SETBP1: variants seen among roughly 807,000 people sequenced by gnomAD.
SETBP1 encodes the protein SET-binding protein.
A neutral mutation model predicts 101.0 loss-of-function variants in SETBP1; 9 were observed. That is an observed-to-expected ratio of 0.09 (90% CI 0.05 to 0.16). The LOEUF is 0.16. Among genes scored for constraint, SETBP1 ranks in the 10% least tolerant of loss-of-function variants. The pLI, the probability that SETBP1 is intolerant of heterozygous loss-of-function variation, is 1.00. For synonymous variants in SETBP1, 818 were observed against 788.5 expected, an observed-to-expected ratio of 1.04 and a Z score of -0.63; for missense variants, 1,858 against 2,033.8, an observed-to-expected ratio of 0.91 and a Z score of 1.66.
intron 2 of SETBP1, among the ~76,000 whole-genome samples, chr18:44,791,116 G>T (rs1033529047): frequency 6.6e-6 from 1 of 152,036 alleles, no homozygotes; most frequent in Non-Finnish European, 1.5e-5. Flanking sequence ...TAAGAGGTGC[G>T]CTGAAGGCAG....
chr18:44,799,600 A>G (rs1397540560), intron 2 of SETBP1, among the ~76,000 whole-genome samples: 2 of 152,092 alleles, frequency 1.3e-5, no homozygotes, highest in Admixed American at 6.6e-5. Context: ...AATATCGCAG[A>G]TGAACCATGA....
chr18:44,898,846 G>A (rs1345068104), intron 3 of SETBP1, among the ~76,000 whole-genome samples: 2 of 152,168 alleles, frequency 1.3e-5, no homozygotes, highest in South Asian at 2.1e-4. Context: ...TATTTGAGAG[G>A]ATTAAATGCT....
chr18:45,061,208 A>G (rs1851016502), intron 5 of SETBP1, among the ~76,000 whole-genome samples: 2 of 152,198 alleles, frequency 1.3e-5, no homozygotes, highest in Non-Finnish European at 2.9e-5. Context: ...TATATTTGCA[A>G]TGATCACTTT....
At chr18:44,745,115 CT>C (rs1012911203) in intron 2 of SETBP1, among the ~76,000 whole-genome samples, 2 of 152,200 alleles carry the variant, frequency 1.3e-5, no homozygotes, top group African/African-American at 4.8e-5. Context: ...GCTGCGGCTG[CT>C]GCGACGCCCT....
At chr18:44,730,549 G>A (rs1253907543) in intron 2 of SETBP1, among the ~76,000 whole-genome samples, 1 of 152,210 alleles carries the variant, frequency 6.6e-6, no homozygotes, top group Non-Finnish European at 1.5e-5. Flanking sequence ...TTCCTGTGTT[G>A]CTTGGTCTCT....
intron 4 of SETBP1, among the ~76,000 whole-genome samples, chr18:45,020,757 T>C (rs1029946240): frequency 1.3e-5 from 2 of 152,232 alleles, no homozygotes; most frequent in African/African-American, 4.8e-5. Context: ...AACCATGCAC[T>C]GAACACCTGA....
intron 3 of SETBP1, among the ~76,000 whole-genome samples, chr18:44,896,269 C>T (rs1482833891): frequency 6.6e-6 from 1 of 152,174 alleles, no homozygotes; most frequent in African/African-American, 2.4e-5. Flanking sequence ...GACTCTCTGA[C>T]AAAAGGACAT....
chr18:44,700,967 C>T (rs547472925), intron 1 of SETBP1, among the ~76,000 whole-genome samples: 2 of 152,288 alleles, frequency 1.3e-5, no homozygotes, highest in Admixed American at 1.3e-4. Flanking sequence ...TAATAGCAAT[C>T]CATTATGAAG....
intron 3 of SETBP1, among the ~76,000 whole-genome samples, chr18:44,901,414 C>A (rs1338725991): frequency 6.6e-6 from 1 of 152,120 alleles, no homozygotes; most frequent in African/African-American, 2.4e-5. Flanking sequence ...CTAATGAATT[C>A]CGTCTTTTTG....
At chr18:44,808,818 C>G (rs1442954472) in intron 2 of SETBP1, among the ~76,000 whole-genome samples, 1 of 152,118 alleles carries the variant, frequency 6.6e-6, no homozygotes, top group East Asian at 1.9e-4. Context: ...ACAAAACAAA[C>G]AAACAAAAAT....
chr18:44,961,165 A>G (rs1311318022), intron 4 of SETBP1, among the ~76,000 whole-genome samples: 1 of 152,178 alleles, frequency 6.6e-6, no homozygotes, highest in Non-Finnish European at 1.5e-5. Context: ...CTGGCAACCC[A>G]CCTTAAACAC....
intron 2 of SETBP1, among the ~76,000 whole-genome samples, chr18:44,832,651 C>A (rs1041222144): frequency 3.3e-5 from 5 of 152,226 alleles, no homozygotes; most frequent in African/African-American, 7.2e-5. Flanking sequence ...CCCTCCCCAG[C>A]CTTCCTCATC....
At chr18:45,029,487 C>T (rs542440015) in intron 4 of SETBP1, among the ~76,000 whole-genome samples, 4 of 152,034 alleles carry the variant, frequency 2.6e-5, no homozygotes, top group South Asian at 2.1e-4. Context: ...ATTGACTTGG[C>T]GATGCAAGCT....
chr18:44,985,292 A>C (rs913688457), intron 4 of SETBP1, among the ~76,000 whole-genome samples: 1 of 152,232 alleles, frequency 6.6e-6, no homozygotes, highest in Admixed American at 6.5e-5. Context: ...AGAAATGGGC[A>C]GTGCCTCAGA....
At chr18:44,759,718 C>T (rs781271568) in intron 2 of SETBP1, among the ~76,000 whole-genome samples, 9 of 152,212 alleles carry the variant, frequency 5.9e-5, no homozygotes, top group Admixed American at 1.3e-4. Flanking sequence ...TAATCTAGCA[C>T]ATTTTATGAT....
In SETBP1 at chr18:44,876,656, T is replaced by C. The variant is rs1400554717; in HGVS notation, c.540+7373T>C. ...CAATTCCTGTCCCAGGAACGTGCCA[T>C]GTGCTTCTCATGCCCCCGGAACCCA... On this transcript the variant is annotated intron_variant, in intron 3 of 5. Coordinates refer to ENST00000649279, the MANE Select transcript of SETBP1 (RefSeq NM_015559.3). 12 of 1,551,328 alleles carry C rather than the reference T, an allele frequency of 7.7e-6. No homozygotes were observed. In the Admixed American group the frequency reaches 2.2e-4, roughly 28 times the overall value.
At chr18:44,853,069 G>T (rs183592199) in intron 2 of SETBP1, among the ~76,000 whole-genome samples, 1 of 152,310 alleles carries the variant, frequency 6.6e-6, no homozygotes, top group Admixed American at 6.5e-5. Context: ...AAAAGAGTTT[G>T]AAAGAGCACT....
At chr18:45,002,873 G>A (rs940598574) in intron 4 of SETBP1, among the ~76,000 whole-genome samples, 2 of 152,040 alleles carry the variant, frequency 1.3e-5, no homozygotes, top group Admixed American at 6.6e-5. Context: ...GGCTAAAAAT[G>A]GAAACAGTGG....
intron 5 of SETBP1, among the ~76,000 whole-genome samples, chr18:45,045,809 GAC>G (rs2073600586): frequency 6.6e-6 from 1 of 152,036 alleles, no homozygotes; most frequent in African/African-American, 2.4e-5. Context: ...CAAAGTACCT[GAC>G]ACATAGTAAG....
Sources: gnomAD v4.1 joint callset for allele counts (sites outside exome capture counted in the v4.1 genomes callset) on GRCh38, gnomAD v4.1.1 for gene constraint, MANE v1.5 for transcripts, NCBI Gene and HGNC (gene_info 2026-07-23, HGNC 2026-07-21) for gene names.